Variants in LINGO2 observed in about 807,000 individuals in gnomAD.
LINGO2 encodes leucine-rich repeat and immunoglobulin-like domain-containing nogo receptor-interacting protein 2.
LINGO2 carries 14 observed loss-of-function variants against 30.6 expected under a neutral mutation model. The ratio of observed to expected loss-of-function variants is 0.46; its 90% CI spans 0.30 to 0.72. The LOEUF (loss-of-function observed/expected upper bound fraction) is 0.72, where lower values mean the gene tolerates loss of function less well. Ranked by LOEUF, LINGO2 falls within the 30% of genes least tolerant of loss-of-function variation. LINGO2 has a pLI of 0.07. For synonymous variants in LINGO2, 317 were observed against 288.5 expected (o/e 1.10, Z -1.00); for missense variants, 729 against 751.7 (o/e 0.97, Z 0.35).
chr9:28,624,925 G>C (rs73443352), intron 1 of LINGO2, among the ~76,000 whole-genome samples: 4,069 of 151,544 alleles, frequency 0.027, 126 homozygotes, highest in African/African-American at 0.067. Context: ...GTTGCTGCCA[G>C]CTGCATTGCC....
chr9:28,789,563 C>T, the LINGO2 span, among the ~76,000 whole-genome samples: 446 of 152,192 alleles, frequency 2.9e-3, 2 homozygotes, highest in African/African-American at 0.01. Context: ...GAGATGGGTA[C>T]CTGTTGCTAG....
intron 1 of LINGO2, among the ~76,000 whole-genome samples, chr9:28,508,370 T>C (rs1160941895): frequency 6.6e-6 from 1 of 152,128 alleles, no homozygotes; most frequent in Non-Finnish European, 1.5e-5. Flanking sequence ...AGATGACTTA[T>C]AACAGTATGT....
intron 4 of LINGO2, among the ~76,000 whole-genome samples, chr9:28,026,429 C>A (rs1266761991): frequency 1.3e-5 from 2 of 152,132 alleles, no homozygotes; most frequent in Non-Finnish European, 2.9e-5. Context: ...TGCTGGGCCC[C>A]TAGAGTTTCT....
At chr9:29,074,182 G>C in the LINGO2 span, among the ~76,000 whole-genome samples, 1 of 152,068 alleles carries the variant, frequency 6.6e-6, no homozygotes, top group Admixed American at 6.6e-5. Flanking sequence ...AAAACTAGCA[G>C]TCTTAAAACA....
At chr9:29,146,270 C>T in the LINGO2 span, among the ~76,000 whole-genome samples, 5 of 151,952 alleles carry the variant, frequency 3.3e-5, no homozygotes, top group South Asian at 4.2e-4. Context: ...GCAGGAGAAT[C>T]GGTTGAACCA....
chr9:27,998,259 C>A (rs1370170404), intron 5 of LINGO2, among the ~76,000 whole-genome samples: 1 of 152,172 alleles, frequency 6.6e-6, no homozygotes, highest in Non-Finnish European at 1.5e-5. Flanking sequence ...TCAGCCTCCA[C>A]CTGACTCTTT....
intron 1 of LINGO2, among the ~76,000 whole-genome samples, chr9:28,605,257 T>C (rs1233790005): frequency 3.9e-5 from 6 of 152,006 alleles, no homozygotes; most frequent in Non-Finnish European, 8.8e-5. Flanking sequence ...ATTATTTAAA[T>C]TAATTTTATC....
At chr9:28,774,469 A>G in the LINGO2 span, among the ~76,000 whole-genome samples, 17 of 152,298 alleles carry the variant, frequency 1.1e-4, no homozygotes, top group African/African-American at 4.1e-4. Context: ...ATGCCTATAC[A>G]CATTTCACAC....
the LINGO2 span, among the ~76,000 whole-genome samples, chr9:29,106,632 C>T: frequency 0.041 from 6,259 of 152,122 alleles, 196 homozygotes; most frequent in Admixed American, 0.079. Context: ...GCAACATCAG[C>T]CAACCACAGA....
At chr9:28,711,062 C>T in the LINGO2 span, among the ~76,000 whole-genome samples, 1 of 151,952 alleles carries the variant, frequency 6.6e-6, no homozygotes, top group African/African-American at 2.4e-5. Flanking sequence ...TGTACCTCAT[C>T]TCTGTGTTAA....
At chr9:28,753,430 A>G in the LINGO2 span, among the ~76,000 whole-genome samples, 30 of 152,192 alleles carry the variant, frequency 2.0e-4, no homozygotes, top group South Asian at 8.3e-4. Context: ...CAATCAAGGA[A>G]GCAAATTAGC....
chr9:28,464,075 C>A (rs1490585784), intron 2 of LINGO2, among the ~76,000 whole-genome samples: 1 of 152,094 alleles, frequency 6.6e-6, no homozygotes, highest in African/African-American at 2.4e-5. Flanking sequence ...GTTGGGAAGA[C>A]AATATTCTGT....
At chr9:29,018,416 C>G in the LINGO2 span, among the ~76,000 whole-genome samples, 107,912 of 151,744 alleles carry the variant, frequency 0.71, 38,922 homozygotes, top group Non-Finnish European at 0.76. Context: ...CACAATATAC[C>G]CATGTAACGA....
chr9:28,863,289 T>C, the LINGO2 span, among the ~76,000 whole-genome samples: 1 of 152,138 alleles, frequency 6.6e-6, no homozygotes, highest in African/African-American at 2.4e-5. Flanking sequence ...CAAAATGGTA[T>C]GCTTAGGATT....
the LINGO2 span, among the ~76,000 whole-genome samples, chr9:29,050,237 C>G: frequency 6.6e-6 from 1 of 152,074 alleles, no homozygotes; most frequent in African/African-American, 2.4e-5. Flanking sequence ...TGTTGGCCAG[C>G]TGGTCTTAAA....
chr9:28,338,076 G>A (rs924002698), intron 3 of LINGO2, among the ~76,000 whole-genome samples: 7 of 152,164 alleles, frequency 4.6e-5, no homozygotes, highest in African/African-American at 1.7e-4. Flanking sequence ...GCCTATGAAA[G>A]AACCGAGAAG....
intron 5 of LINGO2, among the ~76,000 whole-genome samples, chr9:27,966,686 A>G (rs1404486139): frequency 6.6e-6 from 1 of 152,084 alleles, no homozygotes; most frequent in African/African-American, 2.4e-5. Flanking sequence ...ATATATACCT[A>G]TGTAACAAAC....
intron 4 of LINGO2, among the ~76,000 whole-genome samples, chr9:28,088,507 C>T (rs773242861): frequency 7.9e-5 from 12 of 152,008 alleles, no homozygotes; most frequent in Non-Finnish European, 1.6e-4. Flanking sequence ...CTCTCCCCTA[C>T]CTTGGGATCC....
At position 28,544,172 on chromosome 9, in the gene LINGO2, C is replaced by T. The variant is rs116358620; in HGVS notation, c.-364-68147G>A. ...GAACCAAAATCAAGCCACTGCACTC[C>T]AGTCTGGGCGACAGGAATAAAAACC... On this transcript the variant is annotated intron_variant, in intron 1 of 5. Coordinates refer to ENST00000379992, the Ensembl canonical transcript of LINGO2. Among the ~76,000 whole-genome samples, 1,055 of 151,894 alleles carry T rather than the reference C, an allele frequency of 6.9e-3. 9 individuals are homozygous for T. Among genetic ancestry groups the T allele is most frequent in the African/African-American group, 0.025 (1,018 of 41,462 alleles).
Sources: gnomAD v4.1 joint callset for allele counts (sites outside exome capture counted in the v4.1 genomes callset) on GRCh38, gnomAD v4.1.1 for gene constraint, MANE v1.5 for transcripts, NCBI Gene and HGNC (gene_info 2026-07-23, HGNC 2026-07-21) for gene names.